MME: variants seen among roughly 807,000 people sequenced by gnomAD.
The protein encoded by MME is membrane metalloendopeptidase.
Under a neutral mutation model 113.2 loss-of-function variants are expected in MME, and 98 were observed. The observed-to-expected ratio is 0.87, with a 90% confidence interval of 0.74 to 1.02. MME has a LOEUF of 1.02. MME is among the 50% of genes least tolerant of loss of function. The pLI, the probability that MME is intolerant of heterozygous loss-of-function variation, is 0.00. For missense variants in MME, 836 were observed against 896.0 expected (o/e 0.93, Z 0.86); for synonymous variants, 292 against 300.6 (o/e 0.97, Z 0.30).
intron 22 of MME, among the ~76,000 whole-genome samples, chr3:155,176,506 A>G (rs1048781858): frequency 6.6e-6 from 1 of 152,182 alleles, no homozygotes; most frequent in Non-Finnish European, 1.5e-5. Flanking sequence ...AAAGTGTTTT[A>G]TTAATAATGG....
chr3:155,048,005 AGG>A (rs756851394), intron 1 of MME, among the ~76,000 whole-genome samples: 13 of 152,274 alleles, frequency 8.5e-5, no homozygotes, highest in Non-Finnish European at 1.5e-4. Flanking sequence ...TCCATTATTT[AGG>A]TCTTTCCTGA....
At chr3:155,049,207 A>T (rs1559892181) in intron 1 of MME, among the ~76,000 whole-genome samples, 1 of 152,158 alleles carries the variant, frequency 6.6e-6, no homozygotes, top group African/African-American at 2.4e-5. Flanking sequence ...CCTTATTTAG[A>T]AATAGTCTTT....
chr3:155,058,959 G>C (rs73168183), intron 1 of MME, among the ~76,000 whole-genome samples: 22 of 152,012 alleles, frequency 1.4e-4, no homozygotes, highest in Middle Eastern at 3.4e-3. Context: ...AACTATTTCC[G>C]GATTATGGAA....
At chr3:155,175,265 G>T (rs1712407044) in intron 22 of MME, among the ~76,000 whole-genome samples, 1 of 151,636 alleles carries the variant, frequency 6.6e-6, no homozygotes, top group South Asian at 2.1e-4. Context: ...TTTTATTAGG[G>T]TTTTTCTGTG....
rs1718835628 is a variant in MME, at chr3:155,118,737, T to G, written c.655-9T>G. 1 of 1,549,168 alleles carries G rather than the reference T, an allele frequency of 6.5e-7. No homozygotes were observed. Among genetic ancestry groups the G allele is most frequent in the Non-Finnish European group, 8.9e-7 (1 of 1,126,090 alleles). On this transcript the variant is annotated splice_polypyrimidine_tract_variant and intron_variant, in intron 7 of 22. Transcript: ENST00000360490. Reference sequence around the variant, plus strand: ...ATGATTTATTTTCTTTTATGTATATTTTTTATAGATTGACCAACCTCGACT... The same window carrying G: ...ATGATTTATTTTCTTTTATGTATATGTTTTATAGATTGACCAACCTCGACT...
At chr3:155,124,705 G>C (rs948241395) in intron 8 of MME, among the ~76,000 whole-genome samples, 1 of 151,568 alleles carries the variant, frequency 6.6e-6, no homozygotes, top group Non-Finnish European at 1.5e-5. Flanking sequence ...GCCCCTGCTG[G>C]GGGGTGCCTC....
At chr3:155,168,025 A>G (rs1385479) in intron 18 of MME, among the ~76,000 whole-genome samples, 65,563 of 152,086 alleles carry the variant, frequency 0.43, 15,186 homozygotes, top group African/African-American at 0.61. Flanking sequence ...GTGGTTGGCA[A>G]GGAAGCTGTA....
intron 8 of MME, among the ~76,000 whole-genome samples, chr3:155,135,036 G>A (rs1354376536): frequency 6.6e-6 from 1 of 152,028 alleles, no homozygotes. Context: ...CTGGATATTA[G>A]ACTTTTCTTG....
At chr3:155,083,136 TC>T (rs61761166) in intron 1 of MME, among the ~76,000 whole-genome samples, 209 of 152,278 alleles carry the variant, frequency 1.4e-3, no homozygotes, top group Middle Eastern at 3.4e-3. Context: ...CCCTTAATTT[TC>T]CCCCTAAATT....
intron 1 of MME, among the ~76,000 whole-genome samples, chr3:155,065,809 G>A (rs1332579285): frequency 6.6e-6 from 1 of 152,164 alleles, no homozygotes. Flanking sequence ...CTAATTAGAA[G>A]CATTTCATAC....
chr3:155,097,593 G>T (rs1299071216), intron 3 of MME, among the ~76,000 whole-genome samples: 1 of 152,180 alleles, frequency 6.6e-6, no homozygotes, highest in Admixed American at 6.5e-5. Flanking sequence ...TATATCCAGA[G>T]AAAAGAATAT....
intron 17 of MME, among the ~76,000 whole-genome samples, chr3:155,160,932 G>C (rs1020582813): frequency 6.6e-6 from 1 of 151,966 alleles, no homozygotes. Context: ...AAGGCTCCAA[G>C]GGGTTTAGAA....
intron 3 of MME, among the ~76,000 whole-genome samples, chr3:155,101,293 C>G (rs1717194392): frequency 6.6e-6 from 1 of 152,154 alleles, no homozygotes; most frequent in Non-Finnish European, 1.5e-5. Flanking sequence ...GCAAGAACAG[C>G]CTAATACATT....
At position 155,118,794 on chromosome 3, in the gene MME, A is replaced by C. The variant is rs199894624; in HGVS notation, c.703A>C (p.Thr235Pro). 1.2e-6 allele frequency: 2 copies of C among 1,601,640 alleles called. No homozygotes were observed. Among genetic ancestry groups the C allele is most frequent in the African/African-American group, 1.3e-5 (1 of 74,556 alleles). ...GLPSRDYYEC[T>P]GIYKEACTAY... is the part of the protein sequence containing the mutation. ...CCCTTCTAGAGATTACTATGAATGC[A>C]CTGGAATCTATAAAGAGGTAAAAAG... Residue 235 changes from threonine to proline, a missense_variant, in exon 8 of 23, where the codon ACT becomes CCT. Physicochemically the swap from Thr to Pro is conservative, Grantham distance 38. Coordinates refer to ENST00000360490, the MANE Select transcript of MME (RefSeq NM_007289.4).
chr3:155,140,482 T>A (rs976467028), intron 10 of MME, among the ~76,000 whole-genome samples, 190 bp downstream of exon 10: 1 of 140,378 alleles, frequency 7.1e-6, no homozygotes. Context: ...AGTGACACAA[T>A]CTTGGCTCAC....
intron 1 of MME, among the ~76,000 whole-genome samples, chr3:155,053,647 A>G (rs549727206): frequency 3.9e-5 from 6 of 152,198 alleles, no homozygotes; most frequent in Non-Finnish European, 7.3e-5. Context: ...TCACACTACC[A>G]GCCTGGACTG....
At chr3:155,172,260 T>C (rs61760408) in intron 21 of MME, 48 bp downstream of exon 21, 142 of 1,297,876 alleles carry the variant, frequency 1.1e-4, no homozygotes, top group Non-Finnish European at 1.5e-4. Flanking sequence ...TTTTGAGTTA[T>C]AATTTCACAG....
chr3:155,103,558 C>T (rs778724825), intron 3 of MME, among the ~76,000 whole-genome samples: 7 of 152,126 alleles, frequency 4.6e-5, no homozygotes, highest in Non-Finnish European at 1.0e-4. Context: ...AAACAGTTTC[C>T]GGATGTGTTT....
chr3:155,116,968 T>C lies in MME; in HGVS notation c.636T>C (p.Ser212=), dbSNP rs1718675120. 6.4e-7 allele frequency: 1 copy of C among 1,570,392 alleles called. No individual in the cohort carries two copies. Among genetic ancestry groups the C allele is most frequent in the Non-Finnish European group, 8.8e-7 (1 of 1,140,786 alleles). Residue 212 remains serine (S), a synonymous_variant, in exon 7 of 23, where the codon TCT becomes TCC. Coordinates refer to ENST00000360490, the MANE Select transcript of MME (RefSeq NM_007289.4). ...TTGTTGGCACTGATGATAAGAATTC[T>C]GTGAATCATGTAATTCATGTAAGTT... ...NLFVGTDDKN[S]VNHVIHIDQP... is the part of the protein sequence containing the mutation.
Sources: gnomAD v4.1 joint callset for allele counts (sites outside exome capture counted in the v4.1 genomes callset) on GRCh38, gnomAD v4.1.1 for gene constraint, MANE v1.5 for transcripts, NCBI Gene and HGNC (gene_info 2026-07-23, HGNC 2026-07-21) for gene names.